The following KLHL29 variants were observed in gnomAD, a reference collection of about 807,000 sequenced individuals.
KLHL29 encodes kelch-like protein 29.
A neutral mutation model predicts 80.4 loss-of-function variants in KLHL29; 21 were observed. The ratio of observed to expected loss-of-function variants is 0.26; its 90% CI spans 0.19 to 0.38. The LOEUF is 0.38. Among genes scored for constraint, KLHL29 ranks in the 10% least tolerant of loss-of-function variants. The probability of loss-of-function intolerance (pLI) is 1.00; values close to 1 mark genes in which losing one functional copy is unlikely to be tolerated. For synonymous variants in KLHL29, 511 were observed against 526.8 expected (o/e 0.97, Z 0.41); for missense variants, 867 against 1,223.9 (o/e 0.71, Z 4.35).
chr2:23,403,013 T>C (rs553537011), intron 1 of KLHL29, among the ~76,000 whole-genome samples: 2 of 150,046 alleles, frequency 1.3e-5, no homozygotes, highest in Admixed American at 1.3e-4. Context: ...TACTATACTA[T>C]ATATATAGTG....
At position 23,707,469 on chromosome 2, in the gene KLHL29, G is replaced by A. The variant is rs1359892508; in HGVS notation, c.*805G>A. On this transcript the variant is annotated 3_prime_UTR_variant, in exon 14 of 14. Transcript: ENST00000486442. Reference sequence around the variant, plus strand: ...GTGGGAATTCCCAAAGCTCTTTGTAGGTAGTGCCAGAGGGGGGCTTTTGCT... The same window carrying A: ...GTGGGAATTCCCAAAGCTCTTTGTAAGTAGTGCCAGAGGGGGGCTTTTGCT... 1 of 152,264 alleles carries A rather than the reference G, an allele frequency of 6.6e-6. No homozygotes were observed. The highest frequency in any genetic ancestry group is 1.5e-5 in the Non-Finnish European group (1 of 68,062). 9.4% of individuals were successfully genotyped at this position (152,264 alleles called of 1,614,324 possible). A position where few individuals can be genotyped will look rare whatever the true frequency, so the allele number is the denominator to read the frequency against.
chr2:23,406,327 C>CA (rs776095410), intron 1 of KLHL29, among the ~76,000 whole-genome samples: 5,158 of 45,274 alleles, frequency 0.11, 199 homozygotes, highest in South Asian at 0.25. Flanking sequence ...GACTCCATCT[C>CA]AAAAAAAAAA....
At chr2:23,704,540 A>T (rs1194777997) in intron 13 of KLHL29, among the ~76,000 whole-genome samples, 3 of 152,168 alleles carry the variant, frequency 2.0e-5, no homozygotes, top group Non-Finnish European at 4.4e-5. Flanking sequence ...GCCGAGGCGG[A>T]TGGATCAGTT....
At chr2:23,545,690 C>T (rs1025026324) in intron 2 of KLHL29, among the ~76,000 whole-genome samples, 5 of 152,320 alleles carry the variant, frequency 3.3e-5, no homozygotes, top group South Asian at 2.1e-4. Flanking sequence ...GCCCCGGCTA[C>T]ACTGCTCCTG....
intron 2 of KLHL29, among the ~76,000 whole-genome samples, chr2:23,545,535 C>T (rs1368734354): frequency 1.3e-5 from 2 of 152,210 alleles, no homozygotes; most frequent in Admixed American, 6.5e-5. Flanking sequence ...GGCTGACACC[C>T]GCAGAGCTCA....
At chr2:23,643,123 T>C in intron 5 of KLHL29, 3 of 588,302 alleles carry the variant, frequency 5.1e-6, no homozygotes, top group Admixed American at 2.3e-5. Flanking sequence ...CCAGAGCCCG[T>C]CCCCCTCCAG....
chr2:23,391,380 T>G (rs1666320087), intron 1 of KLHL29, among the ~76,000 whole-genome samples: 1 of 152,240 alleles, frequency 6.6e-6, no homozygotes, highest in Non-Finnish European at 1.5e-5. Flanking sequence ...GACATCCTGT[T>G]TTCAGTGTTT....
Position 23,696,790 on chromosome 2 carries a change from G to A in KLHL29, c.2105+277G>A, listed in dbSNP as rs1320007484. On this transcript the variant is annotated intron_variant, in intron 11 of 13. Coordinates refer to ENST00000486442, the MANE Select transcript of KLHL29 (RefSeq NM_052920.2). The surrounding 1 kb of genome is among the most constrained non-coding windows in gnomAD (Gnocchi z 5.5). ...AACCCATTTAGGTGTCAGACAAGCT[G>A]GAGGCCCAAGATCCAGTTGCAGAAG... is the stretch of plus-strand genomic sequence containing the variant. 8.5e-6 allele frequency: 3 copies of A among 352,082 alleles called. No individual in the cohort carries two copies. Among genetic ancestry groups the A allele is most frequent in the African/African-American group, 2.2e-5 (1 of 46,382 alleles). The allele number at this position is 352,082 out of a possible 1,614,324, so 21.8% of individuals were successfully genotyped here.
chr2:23,662,369 C>A (rs995002814), intron 5 of KLHL29, among the ~76,000 whole-genome samples: 1 of 152,206 alleles, frequency 6.6e-6, no homozygotes, highest in Non-Finnish European at 1.5e-5. Flanking sequence ...AGGGCCACGT[C>A]GTGTTCTGAG....
intron 2 of KLHL29, among the ~76,000 whole-genome samples, chr2:23,513,703 G>A (rs1400692222): frequency 6.6e-6 from 1 of 152,156 alleles, no homozygotes; most frequent in African/African-American, 2.4e-5. Context: ...GGACAGGAGG[G>A]CAGAGGGAGA....
chr2:23,701,931 G>A (rs1672412778), intron 11 of KLHL29, among the ~76,000 whole-genome samples: 1 of 151,720 alleles, frequency 6.6e-6, no homozygotes, highest in African/African-American at 2.4e-5. Flanking sequence ...CGGGTAGCTG[G>A]GTAGCTGGGT....
At chr2:23,659,638 G>C (rs1306512466) in intron 5 of KLHL29, among the ~76,000 whole-genome samples, 2 of 152,146 alleles carry the variant, frequency 1.3e-5, no homozygotes, top group Non-Finnish European at 2.9e-5. Flanking sequence ...TCCCCATTTG[G>C]AAAATGAGCA....
chr2:23,621,830 T>C (rs1408070041), intron 3 of KLHL29, among the ~76,000 whole-genome samples: 1 of 152,190 alleles, frequency 6.6e-6, no homozygotes. Flanking sequence ...CCCTCCTCCC[T>C]GTGGTGGTCA....
At chr2:23,408,995 T>G (rs938009100) in intron 1 of KLHL29, among the ~76,000 whole-genome samples, 5 of 151,460 alleles carry the variant, frequency 3.3e-5, no homozygotes, top group Non-Finnish European at 7.4e-5. Context: ...TGTTGGGGGG[T>G]GTGTGAGGGG....
intron 1 of KLHL29, among the ~76,000 whole-genome samples, chr2:23,429,516 G>A (rs773229233): frequency 5.2e-4 from 79 of 152,222 alleles, no homozygotes; most frequent in Non-Finnish European, 7.3e-4. Flanking sequence ...ACTTTGGGAG[G>A]CCGAGGTGGG....
chr2:23,473,240 C>T (rs1664545530), intron 1 of KLHL29, among the ~76,000 whole-genome samples: 1 of 152,106 alleles, frequency 6.6e-6, no homozygotes, highest in Admixed American at 6.5e-5. Context: ...CTTGCATGGG[C>T]TGAACCTAAC....
intron 2 of KLHL29, among the ~76,000 whole-genome samples, chr2:23,480,436 G>A (rs1664768297): frequency 6.6e-6 from 1 of 152,050 alleles, no homozygotes; most frequent in African/African-American, 2.4e-5. Context: ...GCAGTGAGCT[G>A]AGATCGCACC....
At chr2:23,454,168 TCTTC>T (rs1472666781) in intron 1 of KLHL29, among the ~76,000 whole-genome samples, 5 of 152,192 alleles carry the variant, frequency 3.3e-5, no homozygotes, top group Non-Finnish European at 7.3e-5. Context: ...TTGAGTCAGT[TCTTC>T]CTTTAAGACC....
intron 5 of KLHL29, among the ~76,000 whole-genome samples, chr2:23,683,344 C>T (rs536292803): frequency 1.7e-4 from 26 of 152,318 alleles, no homozygotes; most frequent in African/African-American, 5.5e-4. Flanking sequence ...GCCTCTGACG[C>T]GCAGCTGCCA....
Sources: allele counts gnomAD v4.1 joint callset (sites outside exome capture counted in the v4.1 genomes callset), GRCh38; gene constraint gnomAD v4.1.1; non-coding constraint Gnocchi (gnomAD v3.1); transcripts MANE v1.5; gene names NCBI Gene and HGNC (gene_info 2026-07-23, HGNC 2026-07-21).